Variants in XRCC4 observed in about 807,000 individuals in gnomAD.
The protein encoded by XRCC4 is X-ray repair cross complementing 4.
XRCC4 carries 28 observed loss-of-function variants against 39.1 expected under a neutral mutation model. That is an observed-to-expected ratio of 0.72 (90% CI 0.53 to 0.98). The LOEUF is 0.98. XRCC4 is among the 50% of genes least tolerant of loss of function. The pLI, the probability that XRCC4 is intolerant of heterozygous loss-of-function variation, is 0.00. For synonymous variants in XRCC4, 123 were observed against 126.4 expected, an observed-to-expected ratio of 0.97 and a Z score of 0.18; for missense variants, 350 against 376.4, an observed-to-expected ratio of 0.93 and a Z score of 0.58.
intron 6 of XRCC4, among the ~76,000 whole-genome samples, chr5:83,240,976 C>G (rs1030218663): frequency 2.6e-5 from 4 of 152,090 alleles, no homozygotes; most frequent in Non-Finnish European, 5.9e-5. Flanking sequence ...TGGCTCATGC[C>G]TGAAATCCCA....
chr5:83,231,564 G>A (rs1752496508), intron 6 of XRCC4, among the ~76,000 whole-genome samples: 1 of 152,048 alleles, frequency 6.6e-6, no homozygotes, highest in African/African-American at 2.4e-5. Flanking sequence ...AATACCATTA[G>A]TAAAATGTTG....
At chr5:83,233,347 A>C (rs531871509) in intron 6 of XRCC4, among the ~76,000 whole-genome samples, 25 of 152,234 alleles carry the variant, frequency 1.6e-4, no homozygotes, top group South Asian at 1.0e-3. Context: ...TTTTCTCTGG[A>C]AGTGAATCCA....
intron 1 of XRCC4, among the ~76,000 whole-genome samples, chr5:83,099,604 A>G (rs886435106): frequency 6.6e-6 from 1 of 152,206 alleles, no homozygotes; most frequent in Non-Finnish European, 1.5e-5. Flanking sequence ...GACACAAAGT[A>G]CTAAAGATAA....
intron 3 of XRCC4, among the ~76,000 whole-genome samples, chr5:83,144,270 T>TGTGTGC (rs2112529579): frequency 1.0e-5 from 1 of 97,416 alleles, no homozygotes; most frequent in African/African-American, 6.2e-5. Context: ...TATTCCTCTG[T>TGTGTGC]GTGTGTGTGT....
At chr5:83,180,830 C>G (rs1016629351) in intron 3 of XRCC4, among the ~76,000 whole-genome samples, 4 of 152,070 alleles carry the variant, frequency 2.6e-5, no homozygotes, top group African/African-American at 9.7e-5. Context: ...TGATGTTACT[C>G]TATCAACAGT....
chr5:83,244,580 T>TC (rs941157291), intron 6 of XRCC4, among the ~76,000 whole-genome samples: 14 of 150,804 alleles, frequency 9.3e-5, no homozygotes, highest in Non-Finnish European at 1.8e-4. Flanking sequence ...GATAACTCCT[T>TC]TGGGGCTCGT....
chr5:83,343,327 G>T (rs1467481525), intron 7 of XRCC4, among the ~76,000 whole-genome samples: 1 of 152,150 alleles, frequency 6.6e-6, no homozygotes, highest in Non-Finnish European at 1.5e-5. Context: ...GGCAGGAATT[G>T]ACCATTTGCT....
At chr5:83,130,978 G>A (rs1747545643) in intron 3 of XRCC4, among the ~76,000 whole-genome samples, 1 of 151,860 alleles carries the variant, frequency 6.6e-6, no homozygotes, top group Non-Finnish European at 1.5e-5. Context: ...CTTCAATTCT[G>A]CTCTGATCCT....
chr5:83,321,375 A>C (rs1756067860), intron 7 of XRCC4, among the ~76,000 whole-genome samples: 1 of 152,148 alleles, frequency 6.6e-6, no homozygotes, highest in African/African-American at 2.4e-5. Context: ...TTTTCATCAG[A>C]TATTTTGGAA....
chr5:83,162,034 GCGGGTGC>G (rs1427152882), intron 3 of XRCC4, among the ~76,000 whole-genome samples: 2 of 152,186 alleles, frequency 1.3e-5, no homozygotes, highest in East Asian at 3.9e-4. Flanking sequence ...AGGTGTGGTG[GCGGGTGC>G]CTGTAGTCCC....
intron 3 of XRCC4, among the ~76,000 whole-genome samples, chr5:83,159,741 C>T (rs1749118957): frequency 6.6e-6 from 1 of 152,116 alleles, no homozygotes; most frequent in Admixed American, 6.5e-5. Context: ...TCTCTTAGCT[C>T]AATGCATTGA....
chr5:83,086,410 T>A (rs1482719231), intron 1 of XRCC4, among the ~76,000 whole-genome samples: 1 of 152,240 alleles, frequency 6.6e-6, no homozygotes, highest in Non-Finnish European at 1.5e-5. Flanking sequence ...CATTATGTAC[T>A]GTATTCTTAC....
At chr5:83,230,190 A>G (rs73134665) in intron 6 of XRCC4, among the ~76,000 whole-genome samples, 4,513 of 152,138 alleles carry the variant, frequency 0.03, 225 homozygotes, top group African/African-American at 0.1. Context: ...AAGAGATTTA[A>G]AAGATAATAA....
chr5:83,223,273 A>G (rs1752156695), intron 6 of XRCC4, among the ~76,000 whole-genome samples: 1 of 152,082 alleles, frequency 6.6e-6, no homozygotes, highest in African/African-American at 2.4e-5. Flanking sequence ...GAAGTTCCCT[A>G]TTATTATCAT....
intron 4 of XRCC4, among the ~76,000 whole-genome samples, chr5:83,196,518 A>G (rs1750954612): frequency 6.6e-6 from 1 of 151,720 alleles, no homozygotes; most frequent in Non-Finnish European, 1.5e-5. Context: ...ATTTTTTTTT[A>G]AATTATGAAC....
intron 7 of XRCC4, among the ~76,000 whole-genome samples, chr5:83,352,741 T>C (rs544114931): frequency 5.3e-5 from 8 of 152,228 alleles, no homozygotes; most frequent in Non-Finnish European, 2.9e-5. Flanking sequence ...TTAAAATGCA[T>C]GTTAATCAGT....
rs7709101 is a variant in XRCC4 at position 83,091,824 on chromosome 5, A to G, written c.-10-13086A>G. On this transcript the variant is annotated intron_variant, in intron 1 of 7. Coordinates refer to ENST00000396027, the MANE Select transcript of XRCC4 (RefSeq NM_003401.5). ...ATTGTCTAGTGCTGCAGTGAATATG[A>G]GACTACAGATGTCTCTTCCACATTC... Among the ~76,000 whole-genome samples the G allele has an allele frequency of 2.3e-3, 355 of 152,350 alleles. 1 individual carries two copies. Among genetic ancestry groups the G allele is most frequent in the African/African-American group, 8.0e-3 (334 of 41,586 alleles).
chr5:83,189,460 A>C (rs1189991173), intron 3 of XRCC4, among the ~76,000 whole-genome samples: 1 of 152,168 alleles, frequency 6.6e-6, no homozygotes. Context: ...TTTCACCCCT[A>C]GATTATTGCA....
chr5:83,292,072 T>C (rs1307448758), intron 7 of XRCC4, among the ~76,000 whole-genome samples: 1 of 151,462 alleles, frequency 6.6e-6, no homozygotes, highest in African/African-American at 2.4e-5. Context: ...CAGCAAGCTT[T>C]GTAGAGAAAA....
Sources: allele counts gnomAD v4.1 joint callset (sites outside exome capture counted in the v4.1 genomes callset), GRCh38; gene constraint gnomAD v4.1.1; transcripts MANE v1.5; gene names NCBI Gene and HGNC (gene_info 2026-07-23, HGNC 2026-07-21).